Variants in SMAD2 observed in about 807,000 individuals in gnomAD.
SMAD2 encodes SMAD family member 2.
SMAD2 carries 8 observed loss-of-function variants against 64.4 expected under a neutral mutation model. The ratio of observed to expected loss-of-function variants is 0.12; its 90% CI spans 0.07 to 0.22. SMAD2 has a LOEUF of 0.22. SMAD2 is among the 10% of genes least tolerant of loss of function. The pLI is 1.00. For missense variants in SMAD2, 289 were observed against 561.2 expected, an observed-to-expected ratio of 0.51 and a Z score of 4.90; for synonymous variants, 203 against 195.8, an observed-to-expected ratio of 1.04 and a Z score of -0.31.
In SMAD2 at chr18:47,813,502, G is replaced by T. The variant is rs1912270026; in HGVS notation, c.*28325C>A. The T allele has an allele frequency of 1.3e-5, 2 of 151,148 alleles. No individual in the cohort carries two copies. Among genetic ancestry groups the T allele is most frequent in the Admixed American group, 6.6e-5 (1 of 15,128 alleles). 9.4% of individuals were successfully genotyped at this position (151,148 alleles called of 1,614,324 possible). A position where few individuals can be genotyped will look rare whatever the true frequency, so the allele number is the denominator to read the frequency against. On this transcript the variant is annotated 3_prime_UTR_variant, in exon 11 of 11. Coordinates refer to ENST00000262160, the MANE Select transcript of SMAD2 (RefSeq NM_005901.6). Reference sequence around the variant, plus strand: ...GCTCACTGCAACCTCTGCCTCCCGGGTTCATGCGATTCTCCTGCCTCAGCC... The same window carrying T: ...GCTCACTGCAACCTCTGCCTCCCGGTTTCATGCGATTCTCCTGCCTCAGCC...
chr18:47,922,043 G>C (rs1330213334), intron 1 of SMAD2, among the ~76,000 whole-genome samples: 1 of 152,166 alleles, frequency 6.6e-6, no homozygotes, highest in Non-Finnish European at 1.5e-5. Flanking sequence ...ATGTGAAAAA[G>C]AATGGTTAAA....
chr18:47,901,918 A>G (rs777722197), intron 1 of SMAD2, among the ~76,000 whole-genome samples: 10 of 152,226 alleles, frequency 6.6e-5, no homozygotes, highest in Non-Finnish European at 1.2e-4. Flanking sequence ...GGTGTGTTGA[A>G]AATCATCAGT....
chr18:47,850,355 TA>T (rs1915131946), intron 7 of SMAD2, among the ~76,000 whole-genome samples: 1 of 38,766 alleles, frequency 2.6e-5, no homozygotes, highest in African/African-American at 1.2e-4. Context: ...ATATTATACA[TA>T]ATATGTATAA....
chr18:47,915,044 T>C (rs1598888766), intron 1 of SMAD2, among the ~76,000 whole-genome samples: 1 of 152,200 alleles, frequency 6.6e-6, no homozygotes, highest in South Asian at 2.1e-4. Context: ...TTGGTTTTTA[T>C]TGTAAATGGG....
In SMAD2 at chr18:47,859,120, T is replaced by G. The variant is rs553863892; in HGVS notation, c.730+5939A>C. Among the ~76,000 whole-genome samples, 57 of 152,208 alleles carry G rather than the reference T, an allele frequency of 3.7e-4. 1 individual carries two copies. In the South Asian group the frequency reaches 0.012, roughly 32 times the overall value. ...GTTAATATGAAATGCATTTTATAAT[T>G]AGGGCAAATTAATTTGGAAGATGTA... On this transcript the variant is annotated intron_variant, in intron 6 of 10. Transcript: ENST00000262160.
rs1913948127 is a variant in SMAD2, at chr18:47,841,473, T to G, written c.*354A>C. ...ACCTCATCTATGCAAACTAAAAATG[T>G]ATATAAACAGCACAATACTGTGATA... On this transcript the variant is annotated 3_prime_UTR_variant, in exon 11 of 11. Coordinates refer to ENST00000262160, the MANE Select transcript of SMAD2 (RefSeq NM_005901.6). 5.1e-6 allele frequency: 2 copies of G among 390,534 alleles called. No homozygotes were observed. The highest frequency in any genetic ancestry group is 4.8e-6 in the Non-Finnish European group (1 of 208,724). 24.2% of individuals were successfully genotyped at this position (390,534 alleles called of 1,614,324 possible).
chr18:47,910,013 C>T (rs1244462914), intron 1 of SMAD2, among the ~76,000 whole-genome samples: 2 of 152,040 alleles, frequency 1.3e-5, no homozygotes, highest in African/African-American at 4.8e-5. Context: ...GGAAGGATTA[C>T]GCCATGGAAG....
chr18:47,895,493 G>A (rs1041105689), intron 2 of SMAD2: 1 of 152,168 alleles, frequency 6.6e-6, no homozygotes, highest in Non-Finnish European at 1.5e-5. Context: ...CCTTAGGAAG[G>A]CAGGAGTTTT....
chr18:47,916,094 T>C (rs947783120), intron 1 of SMAD2, among the ~76,000 whole-genome samples: 1 of 152,250 alleles, frequency 6.6e-6, no homozygotes, highest in African/African-American at 2.4e-5. Context: ...TGCTTAATCA[T>C]CCCTACATTC....
At chr18:47,883,178 T>C (rs1371906603) in intron 2 of SMAD2, among the ~76,000 whole-genome samples, 2 of 152,274 alleles carry the variant, frequency 1.3e-5, no homozygotes, top group African/African-American at 2.4e-5. Context: ...TTAGGCACTC[T>C]TTCAGCTACA....
chr18:47,909,330 T>C (rs1286893513), intron 1 of SMAD2, among the ~76,000 whole-genome samples: 2 of 152,116 alleles, frequency 1.3e-5, no homozygotes, highest in Admixed American at 6.5e-5. Flanking sequence ...CAAAAGATGG[T>C]TGAGAATTTA....
At chr18:47,919,025 G>A (rs555107629) in intron 1 of SMAD2, among the ~76,000 whole-genome samples, 1 of 152,134 alleles carries the variant, frequency 6.6e-6, no homozygotes, top group East Asian at 1.9e-4. Flanking sequence ...AAACCTACAT[G>A]AAGGCCCATG....
intron 1 of SMAD2, among the ~76,000 whole-genome samples, chr18:47,923,974 C>T (rs1311469431): frequency 3.3e-5 from 5 of 152,116 alleles, no homozygotes; most frequent in Non-Finnish European, 7.4e-5. Flanking sequence ...TTAGGCCGGG[C>T]GCAGTGGCTC....
chr18:47,822,200 CA>C lies in SMAD2; in HGVS notation c.*19626del, dbSNP rs1339253347. 2.6e-5 allele frequency: 4 copies of C among 152,168 alleles called. No individual in the cohort carries two copies. Among genetic ancestry groups the C allele is most frequent in the African/African-American group, 9.7e-5 (4 of 41,416 alleles). 9.4% of individuals were successfully genotyped at this position (152,168 alleles called of 1,614,324 possible). On this transcript the variant is annotated 3_prime_UTR_variant, in exon 11 of 11. Transcript: ENST00000262160. The stretch of plus-strand genomic sequence containing the variant: ...ATAATTCTGATTATGCTGTTTGCCA[CA>C]AAAATAACCAAAACTCTTTGTCTAT...
At chr18:47,885,967 T>G (rs1180241489) in intron 2 of SMAD2, among the ~76,000 whole-genome samples, 1 of 152,156 alleles carries the variant, frequency 6.6e-6, no homozygotes, top group Non-Finnish European at 1.5e-5. Flanking sequence ...GTCTCCCCAC[T>G]GCCTCCAAAA....
chr18:47,897,262 T>C (rs2033479195), intron 1 of SMAD2, among the ~76,000 whole-genome samples: 1 of 152,196 alleles, frequency 6.6e-6, no homozygotes, highest in African/African-American at 2.4e-5. Context: ...AATCTACAGT[T>C]ACAAGAAGGG....
intron 7 of SMAD2, among the ~76,000 whole-genome samples, chr18:47,850,578 AT>A (rs1915294441): frequency 2.9e-4 from 12 of 42,012 alleles, no homozygotes; most frequent in Admixed American, 1.6e-3. Context: ...TATATTATAT[AT>A]TATATATATA....
At chr18:47,852,042 T>G (rs1234162878) in intron 6 of SMAD2, among the ~76,000 whole-genome samples, 1 of 152,212 alleles carries the variant, frequency 6.6e-6, no homozygotes, top group African/African-American at 2.4e-5. Flanking sequence ...TGCTTCTAGA[T>G]GAAAACATGG....
Position 47,896,695 on chromosome 18 carries a change from G to A in SMAD2, c.62C>T (p.Ser21Leu). The A allele has an allele frequency of 6.2e-7, 1 of 1,614,040 alleles. No individual in the cohort carries two copies. The highest frequency in any genetic ancestry group is 8.5e-7 in the Non-Finnish European group (1 of 1,180,008). The change falls in exon 2 of 11, where the codon TCA (serine) becomes TTA (leucine). Residue 21 changes from serine (S) to leucine (L), a missense_variant. Physicochemically the swap from Ser to Leu is moderately radical, Grantham distance 145. This residue lies in a region of SMAD2 where 89 missense variants were observed against 137.1 expected (regional missense o/e 0.65). Coordinates refer to ENST00000262160, the MANE Select transcript of SMAD2 (RefSeq NM_005901.6). ...GCCTGCTCCTCCAGACCCACCAGCT[G>A]ACTTCTTCCATCCCAGCAGTCTCTT... The part of the protein sequence containing the change: ...VVKRLLGWKK[S>L]AGGSGGAGGG...
Sources: allele counts gnomAD v4.1 joint callset (sites outside exome capture counted in the v4.1 genomes callset), GRCh38; gene constraint gnomAD v4.1.1; regional missense constraint gnomAD v4.1.1; transcripts MANE v1.5; gene names NCBI Gene and HGNC (gene_info 2026-07-23, HGNC 2026-07-21).